Variants in MYO1E observed in about 807,000 individuals in gnomAD.
The protein encoded by MYO1E is unconventional myosin-Ie.
MYO1E carries 68 observed loss-of-function variants against 151.1 expected under a neutral mutation model. The observed-to-expected ratio is 0.45, with a 90% CI of 0.37 to 0.55. MYO1E has a LOEUF of 0.55. Among genes scored for constraint, MYO1E ranks in the 20% least tolerant of loss-of-function variants. The pLI, the probability that MYO1E is intolerant of heterozygous loss-of-function variation, is 0.00. For missense variants in MYO1E, 1,363 were observed against 1,389.3 expected (o/e 0.98, Z 0.30); for synonymous variants, 601 against 501.7 (o/e 1.20, Z -2.64).
intron 15 of MYO1E, among the ~76,000 whole-genome samples, chr15:59,203,197 G>T (rs565149725): frequency 1.3e-5 from 2 of 152,162 alleles, no homozygotes; most frequent in Non-Finnish European, 2.9e-5. Flanking sequence ...TTTGTTGGGG[G>T]CCGAGGAGGG....
chr15:59,185,841 C>A (rs1298816617), intron 18 of MYO1E, among the ~76,000 whole-genome samples: 2 of 152,180 alleles, frequency 1.3e-5, no homozygotes, highest in East Asian at 3.8e-4. Flanking sequence ...GAGGAAGGTA[C>A]ACTACTGGCA....
At chr15:59,169,963 G>C (rs1200564153) in intron 22 of MYO1E, among the ~76,000 whole-genome samples, 1 of 152,056 alleles carries the variant, frequency 6.6e-6, no homozygotes, top group Non-Finnish European at 1.5e-5. Flanking sequence ...AGTTCAAGAC[G>C]AGCCTGGCCA....
At chr15:59,155,373 A>G (rs1423968112) in intron 25 of MYO1E, among the ~76,000 whole-genome samples, 2 of 152,202 alleles carry the variant, frequency 1.3e-5, no homozygotes, top group Non-Finnish European at 2.9e-5. Flanking sequence ...TTATTGTAAC[A>G]TACAAATACA....
At chr15:59,209,444 G>A (rs1024646501) in intron 13 of MYO1E, among the ~76,000 whole-genome samples, 4 of 134,028 alleles carry the variant, frequency 3.0e-5, no homozygotes, top group Non-Finnish European at 4.8e-5. Flanking sequence ...TTAGGAGGCC[G>A]AGGGGGGTGG....
At chr15:59,265,826 G>T (rs1400306282) in intron 2 of MYO1E, among the ~76,000 whole-genome samples, 6 of 149,598 alleles carry the variant, frequency 4.0e-5, no homozygotes, top group Admixed American at 2.0e-4. Flanking sequence ...AAATTGCCAG[G>T]CATGGTGGTC....
At chr15:59,211,703 A>G (rs1021319757) in intron 12 of MYO1E, among the ~76,000 whole-genome samples, 2 of 152,124 alleles carry the variant, frequency 1.3e-5, no homozygotes, top group African/African-American at 4.8e-5. Flanking sequence ...CAGTGTCACC[A>G]TCGGCCCTGT....
At chr15:59,285,736 AAAAAG>A (rs1171477163) in intron 1 of MYO1E, among the ~76,000 whole-genome samples, 1 of 152,220 alleles carries the variant, frequency 6.6e-6, no homozygotes, top group Non-Finnish European at 1.5e-5. Context: ...AATTTTTAAG[AAAAAG>A]AAAAGAAAAA....
In MYO1E at chr15:59,270,620, T is replaced by A. The variant is rs190424408; in HGVS notation, c.147+1686A>T. Among the ~76,000 whole-genome samples the A allele has an allele frequency of 7.9e-5, 12 of 151,802 alleles. No individual in the cohort carries two copies. The East Asian group carries it at 2.3e-3, about 29-fold the overall frequency. ...CACAACTATATACAATTACTATTTGTCATTTAAAAATACAATAAATTCACT... is the reference window on the plus strand; with the variant it reads ...CACAACTATATACAATTACTATTTGACATTTAAAAATACAATAAATTCACT... On this transcript the variant is annotated intron_variant, in intron 2 of 27. Transcript: ENST00000288235.
rs780666350 is a variant in MYO1E at position 59,163,132 on chromosome 15, G to A, written c.2627+25C>T. 15 of 1,613,382 alleles carry A rather than the reference G, an allele frequency of 9.3e-6. No homozygotes were observed. The Middle Eastern group carries it at 4.9e-4, about 53-fold the overall frequency. ...GACCCCTTTTTAGCTACACGCAGAA[G>A]TCTGGGTCCCAGATCCGGACTTACG... On this transcript the variant is annotated intron_variant, in intron 23 of 27. Coordinates refer to ENST00000288235, the MANE Select transcript of MYO1E (RefSeq NM_004998.4).
At chr15:59,183,826 C>CT (rs2079679497) in intron 18 of MYO1E, among the ~76,000 whole-genome samples, 1 of 152,150 alleles carries the variant, frequency 6.6e-6, no homozygotes, top group African/African-American at 2.4e-5. Context: ...CTCCCTTCCC[C>CT]TTCCCCCACT....
At chr15:59,303,306 T>G (rs1396709442) in intron 1 of MYO1E, among the ~76,000 whole-genome samples, 2 of 152,132 alleles carry the variant, frequency 1.3e-5, no homozygotes, top group African/African-American at 4.8e-5. Flanking sequence ...TTCTAGCTAC[T>G]TGGGAGCCTG....
At chr15:59,236,042 T>G (rs1400847480) in intron 5 of MYO1E, among the ~76,000 whole-genome samples, 2 of 152,160 alleles carry the variant, frequency 1.3e-5, no homozygotes, top group African/African-American at 4.8e-5. Context: ...TTGTAGGAGT[T>G]CATTATATAT....
At chr15:59,326,474 G>C (rs1315979882) in intron 1 of MYO1E, among the ~76,000 whole-genome samples, 1 of 152,176 alleles carries the variant, frequency 6.6e-6, no homozygotes, top group Non-Finnish European at 1.5e-5. Context: ...AGTGAGCCGA[G>C]ACTGCGCCAC....
At chr15:59,263,273 A>C (rs1225956068) in intron 2 of MYO1E, among the ~76,000 whole-genome samples, 1 of 152,216 alleles carries the variant, frequency 6.6e-6, no homozygotes, top group Non-Finnish European at 1.5e-5. Context: ...GCTGATGGAG[A>C]TAAAATAGGA....
chr15:59,250,991 C>T (rs2080161339), intron 4 of MYO1E, among the ~76,000 whole-genome samples: 1 of 152,106 alleles, frequency 6.6e-6, no homozygotes, highest in Admixed American at 6.5e-5. Flanking sequence ...TGTAAGAAGA[C>T]CATTCCCATC....
intron 25 of MYO1E, 43 bp from the exon 26 acceptor site, chr15:59,153,834 G>C: frequency 3.8e-6 from 6 of 1,564,266 alleles, no homozygotes; most frequent in Non-Finnish European, 5.3e-6. Flanking sequence ...CAGATTTTTG[G>C]ATCCTTTGCC....
At chr15:59,297,424 C>A (rs2080456743) in intron 1 of MYO1E, among the ~76,000 whole-genome samples, 1 of 105,256 alleles carries the variant, frequency 9.5e-6, no homozygotes, top group African/African-American at 2.7e-5. Context: ...GTACGCACCA[C>A]CACACCCAGC....
At chr15:59,250,594 G>T (rs534481591) in intron 4 of MYO1E, among the ~76,000 whole-genome samples, 2 of 151,974 alleles carry the variant, frequency 1.3e-5, no homozygotes, top group Admixed American at 6.5e-5. Flanking sequence ...TCTGAGTTTT[G>T]TGAGTTGTTC....
At chr15:59,141,951 C>G (rs2079412497) in intron 26 of MYO1E, among the ~76,000 whole-genome samples, 1 of 151,018 alleles carries the variant, frequency 6.6e-6, no homozygotes, top group African/African-American at 2.4e-5. Flanking sequence ...ACTAAAAATA[C>G]AAAAAATTAG....
Sources: allele counts gnomAD v4.1 joint callset (sites outside exome capture counted in the v4.1 genomes callset), GRCh38; gene constraint gnomAD v4.1.1; transcripts MANE v1.5; gene names NCBI Gene and HGNC (gene_info 2026-07-23, HGNC 2026-07-21).